The following HMX1 variants were observed in gnomAD, a reference collection of about 807,000 sequenced individuals.
The protein encoded by HMX1 is homeobox protein HMX1.
Under a neutral mutation model 8.9 loss-of-function variants are expected in HMX1, and 8 were observed. The ratio of observed to expected loss-of-function variants is 0.90; its 90% CI spans 0.53 to 1.63. The LOEUF is 1.63. Ranked by LOEUF, HMX1 falls within the 40% of genes most tolerant of loss-of-function variation. HMX1 has a pLI of 0.00. For synonymous variants in HMX1, 311 were observed against 283.4 expected (o/e 1.10, Z -0.98); for missense variants, 621 against 558.5 (o/e 1.11, Z -1.13).
At chr4:8,865,870 G>A (rs976515044), downstream of HMX1, among the ~76,000 whole-genome samples, 58 of 152,354 alleles carry the variant, frequency 3.8e-4, no homozygotes, top group Admixed American at 1.2e-3. Flanking sequence ...AAAGCAGCGA[G>A]GGAGCCCGGA....
chr4:8,856,745 G>C (rs1055562208), intron 1 of HMX1, among the ~76,000 whole-genome samples: 8 of 152,128 alleles, frequency 5.3e-5, no homozygotes, highest in South Asian at 2.1e-4. Flanking sequence ...TCGTGCCTTG[G>C]CGATGCATTG....
chr4:8,862,172 CTG>C (rs1332347950), downstream of HMX1, among the ~76,000 whole-genome samples: 1 of 152,262 alleles, frequency 6.6e-6, no homozygotes, highest in Non-Finnish European at 1.5e-5. Flanking sequence ...AGGGTTAAGA[CTG>C]AAATCATTCT....
At chr4:8,856,157 G>A (rs1215972780) in intron 1 of HMX1, among the ~76,000 whole-genome samples, 1 of 152,176 alleles carries the variant, frequency 6.6e-6, no homozygotes, top group Non-Finnish European at 1.5e-5. Flanking sequence ...GGGAGGGAAG[G>A]GCCCTGAGTG....
downstream of HMX1, among the ~76,000 whole-genome samples, chr4:8,865,207 C>T (rs1023229278): frequency 1.3e-5 from 2 of 152,212 alleles, no homozygotes; most frequent in Non-Finnish European, 1.5e-5. Context: ...TAAGAGGCAC[C>T]CTGCAGTCAC....
downstream of HMX1, among the ~76,000 whole-genome samples, chr4:8,864,327 G>A (rs1465848358): frequency 3.3e-5 from 5 of 152,188 alleles, no homozygotes; most frequent in Admixed American, 1.3e-4. Flanking sequence ...TCCAGAGCCC[G>A]CTGCACCCAC....
At chr4:8,864,354 G>A (rs1721924216), downstream of HMX1, among the ~76,000 whole-genome samples, 1 of 152,182 alleles carries the variant, frequency 6.6e-6, no homozygotes, top group Admixed American at 6.5e-5. Flanking sequence ...TCGGAGCTGT[G>A]CAACTGGAAG....
rs1722087432 is a variant in HMX1, at chr4:8,868,185, G to A, written c.555C>T (p.Val185=). ...GTEEASELAE[V]PAAAGETRGG... is the part of the protein sequence containing the mutation. ...CGCGTGTCTCCCCAGCCGCCGCAGG[G>A]ACCTCGGCCAGCTCCGACGCCTCCT... The change falls in exon 2 of 2, where the codon GTC becomes GTT. Residue 185 remains valine (V), a synonymous_variant. Coordinates refer to ENST00000400677, the MANE Select transcript of HMX1 (RefSeq NM_018942.3). The surrounding 1 kb of genome is among the most constrained non-coding windows in gnomAD (Gnocchi z 4.6). The A allele has an allele frequency of 5.4e-6, 8 of 1,491,820 alleles. No homozygotes were observed. The highest frequency in any genetic ancestry group is 5.3e-6 in the Non-Finnish European group (6 of 1,126,644). The allele number at this position is 1,491,820 out of a possible 1,614,324, so 92.4% of individuals were successfully genotyped here.
At chr4:8,863,781 G>A (rs1577198340), downstream of HMX1, among the ~76,000 whole-genome samples, 1 of 152,252 alleles carries the variant, frequency 6.6e-6, no homozygotes, top group Admixed American at 6.5e-5. Flanking sequence ...GACCACCTAG[G>A]GGAAATGGGG....
chr4:8,862,778 C>G (rs1230289635), downstream of HMX1, among the ~76,000 whole-genome samples: 3 of 152,206 alleles, frequency 2.0e-5, no homozygotes, highest in East Asian at 1.9e-4. Flanking sequence ...CTCAGCCCCA[C>G]AGCTCCAGAA....
At chr4:8,863,261 C>T (rs1030751964), downstream of HMX1, among the ~76,000 whole-genome samples, 1 of 152,236 alleles carries the variant, frequency 6.6e-6, no homozygotes, top group Non-Finnish European at 1.5e-5. Context: ...GAATTCCTGC[C>T]CCTCTCAGAA....
At chr4:8,851,125 T>G (rs1721435725) in intron 1 of HMX1, among the ~76,000 whole-genome samples, 1 of 152,224 alleles carries the variant, frequency 6.6e-6, no homozygotes, top group Admixed American at 6.5e-5. Context: ...GCAGCCGTCG[T>G]TACTGAGCAG....
Position 8,871,487 on chromosome 4 carries a change from T to C in HMX1, c.128A>G (p.Glu43Gly). 7.5e-7 allele frequency: 1 copy of C among 1,340,006 alleles called. No individual in the cohort carries two copies. The highest frequency in any genetic ancestry group is 9.6e-7 in the Non-Finnish European group (1 of 1,041,928). The allele number at this position is 1,340,006 out of a possible 1,614,324, so 83.0% of individuals were successfully genotyped here. A position where few individuals can be genotyped will look rare whatever the true frequency, so the allele number is the denominator to read the frequency against. Residue 43 changes from glutamate to glycine, a missense_variant, in exon 1 of 2, where the codon GAG becomes GGG. Physicochemically the swap from Glu to Gly is moderately conservative, Grantham distance 98 (BLOSUM62 -2). Coordinates refer to ENST00000400677, the MANE Select transcript of HMX1 (RefSeq NM_018942.3). The surrounding 1 kb of genome is among the most constrained non-coding windows in gnomAD (Gnocchi z 4.8). ...GTCGTCGTCGTCCTCCTCCTCGTCC[T>C]CCCGGCTGCCGTCGCCCTGGGTCGC... Reference protein sequence around the residue: ...GRATQGDGSREDEEEDDDDPE... With the variant: ...GRATQGDGSRGDEEEDDDDPE...
At chr4:8,859,053 C>A (rs1282500398) in intron 1 of HMX1, 1 of 152,372 alleles carries the variant, frequency 6.6e-6, no homozygotes, top group Non-Finnish European at 1.5e-5. Flanking sequence ...GATTTGGCTT[C>A]TGGGCAGCCC....
chr4:8,866,929 C>G (rs1722016769), downstream of HMX1: 1 of 306,162 alleles, frequency 3.3e-6, no homozygotes, highest in Non-Finnish European at 4.8e-6. Context: ...CCACCTGCAC[C>G]TGGCCCAGCC....
rs1307562706 is a variant in HMX1 at position 8,871,582 on chromosome 4, G to A, written c.33C>T (p.Ala11=). MPDELTEPGR[A]TPARASSFLI... ...GGAAGGAGGAGGCGCGGGCCGGCGT[G>A]GCGCGCCCGGGCTCCGTCAGCTCGT... Residue 11 remains alanine, a synonymous_variant, in exon 1 of 2, where the codon GCC becomes GCT. Transcript: ENST00000400677. This position sits in a 1 kb window ranked among gnomAD's most constrained non-coding sequence, Gnocchi z 4.8. 3 of 1,343,798 alleles carry A rather than the reference G, an allele frequency of 2.2e-6. No homozygotes were observed. The highest frequency in any genetic ancestry group is 6.6e-5 in the East Asian group (2 of 30,332). 83.2% of individuals were successfully genotyped at this position (1,343,798 alleles called of 1,614,324 possible).
chr4:8,854,841 T>C (rs980425068), intron 1 of HMX1, among the ~76,000 whole-genome samples: 1 of 152,264 alleles, frequency 6.6e-6, no homozygotes, highest in Non-Finnish European at 1.5e-5. Context: ...CAAACCATTT[T>C]GTAGCTATAA....
At chr4:8,864,055 A>G (rs192508104), downstream of HMX1, among the ~76,000 whole-genome samples, 769 of 152,304 alleles carry the variant, frequency 5.0e-3, 8 homozygotes, top group African/African-American at 0.018. Context: ...GTGGGGATTC[A>G]GCTTTTATAG....
chr4:8,868,274 CG>C lies in HMX1; in HGVS notation c.465del (p.Pro157ArgfsTer68), dbSNP rs1235827339. The C allele has an allele frequency of 6.9e-7, 1 of 1,440,452 alleles. No individual in the cohort carries two copies. The highest frequency in any genetic ancestry group is 9.1e-7 in the Non-Finnish European group (1 of 1,102,958). 89.2% of individuals were successfully genotyped at this position (1,440,452 alleles called of 1,614,324 possible). On this transcript the variant is annotated frameshift_variant, in exon 2 of 2. Transcript: ENST00000400677. LOFTEE classifies it low-confidence loss of function (END_TRUNC). The surrounding 1 kb of genome is among the most constrained non-coding windows in gnomAD (Gnocchi z 4.6). Reference protein sequence around the residue: ...GRAEGAWPRGPGPGAVQREAA... With the variant: ...GRAEGAWPRGXGPGAVQREAA... ...GCCTCCCGCTGCACCGCTCCCGGCC[CG>C]GGGCCTCGCGGCCAGGCGCCCTCCG...
downstream of HMX1, chr4:8,867,007 T>G: frequency 3.7e-5 from 34 of 923,546 alleles, no homozygotes; most frequent in South Asian, 1.5e-4. Context: ...CAGCGCAGCT[T>G]GAGCTGTCTC....
Sources: gnomAD v4.1 joint callset for allele counts (sites outside exome capture counted in the v4.1 genomes callset) on GRCh38, gnomAD v4.1.1 for gene constraint, Gnocchi (gnomAD v3.1) non-coding constraint, MANE v1.5 for transcripts, NCBI Gene and HGNC (gene_info 2026-07-23, HGNC 2026-07-21) for gene names.